The following SLCO5A1 variants were observed in gnomAD, a reference collection of about 807,000 sequenced individuals.
SLCO5A1 encodes solute carrier organic anion transporter family member 5A1.
A neutral mutation model predicts 65.1 loss-of-function variants in SLCO5A1; 39 were observed. That is an observed-to-expected ratio of 0.60 (90% CI 0.46 to 0.78). The LOEUF is 0.78. Among genes scored for constraint, SLCO5A1 ranks in the 30% least tolerant of loss-of-function variants. The pLI is 0.00. For missense variants in SLCO5A1, 1,029 were observed against 1,069.4 expected (o/e 0.96, Z 0.53); for synonymous variants, 438 against 415.7 (o/e 1.05, Z -0.65).
At chr8:69,753,789 T>A (rs1817428777) in intron 4 of SLCO5A1, among the ~76,000 whole-genome samples, 2 of 151,582 alleles carry the variant, frequency 1.3e-5, no homozygotes, top group African/African-American at 2.4e-5. Flanking sequence ...GGAGGGTGGA[T>A]CACCTGAGGT....
At chr8:69,691,603 T>G (rs1391329147) in intron 6 of SLCO5A1, among the ~76,000 whole-genome samples, 1 of 152,230 alleles carries the variant, frequency 6.6e-6, no homozygotes, top group Non-Finnish European at 1.5e-5. Context: ...ACCAGCTTTT[T>G]TCACTCAGCA....
At chr8:69,693,275 A>G (rs1318673181) in intron 6 of SLCO5A1, among the ~76,000 whole-genome samples, 1 of 152,324 alleles carries the variant, frequency 6.6e-6, no homozygotes, top group East Asian at 1.9e-4. Flanking sequence ...TAAGAAAACC[A>G]CTAATAACAC....
At chr8:69,682,082 TGAAAA>T in intron 7 of SLCO5A1, 97 bp downstream of exon 7, 1 of 1,298,804 alleles carries the variant, frequency 7.7e-7, no homozygotes, top group Non-Finnish European at 1.1e-6. Context: ...TGGAGCCTCT[TGAAAA>T]GAAAGACTGA....
At chr8:69,788,013 T>C (rs1402306459) in intron 2 of SLCO5A1, among the ~76,000 whole-genome samples, 2 of 152,236 alleles carry the variant, frequency 1.3e-5, no homozygotes, top group African/African-American at 4.8e-5. Context: ...ACCGGCTTTC[T>C]CATTTTGAAT....
At chr8:69,809,664 T>G (rs535696421) in intron 2 of SLCO5A1, among the ~76,000 whole-genome samples, 10 of 152,132 alleles carry the variant, frequency 6.6e-5, no homozygotes, top group South Asian at 4.2e-4. Flanking sequence ...TTATTATTAT[T>G]ATGATTATGA....
intron 6 of SLCO5A1, among the ~76,000 whole-genome samples, chr8:69,683,640 G>T: frequency 6.6e-6 from 1 of 151,094 alleles, no homozygotes; most frequent in Admixed American, 6.6e-5. Flanking sequence ...TCCACTCACT[G>T]CACCCTCCAC....
chr8:69,673,535 G>A (rs1277317965), intron 9 of SLCO5A1, among the ~76,000 whole-genome samples: 2 of 151,850 alleles, frequency 1.3e-5, no homozygotes, highest in Non-Finnish European at 2.9e-5. Context: ...ACTTAAAGTC[G>A]AGTTAGCCAC....
chr8:69,706,379 C>A (rs1814968691), intron 5 of SLCO5A1, among the ~76,000 whole-genome samples: 1 of 152,194 alleles, frequency 6.6e-6, no homozygotes, highest in African/African-American at 2.4e-5. Context: ...AAAAATACTT[C>A]ATGCCATGAC....
chr8:69,819,816 G>T (rs1464950152), intron 2 of SLCO5A1, among the ~76,000 whole-genome samples: 2 of 152,088 alleles, frequency 1.3e-5, no homozygotes, highest in Admixed American at 6.6e-5. Flanking sequence ...ACAAAAATTT[G>T]CCAGGCATGG....
At position 69,672,504 on chromosome 8, in the gene SLCO5A1, G is replaced by C. The variant is rs1452620911; in HGVS notation, c.*365C>G. On this transcript the variant is annotated 3_prime_UTR_variant, in exon 10 of 10. Transcript: ENST00000260126. ...CTTTGATTTGGAAATGCCAAGTCCT[G>C]GGCAAGCTCACCTTTGTTTGGAGTG... The C allele has an allele frequency of 4.7e-6, 1 of 213,918 alleles. No homozygotes were observed. Among genetic ancestry groups the C allele is most frequent in the African/African-American group, 2.3e-5 (1 of 43,796 alleles). The allele number at this position is 213,918 out of a possible 1,614,324, so 13.3% of individuals were successfully genotyped here.
At chr8:69,729,641 G>A (rs1240819060) in intron 5 of SLCO5A1, among the ~76,000 whole-genome samples, 1 of 152,022 alleles carries the variant, frequency 6.6e-6, no homozygotes, top group African/African-American at 2.4e-5. Flanking sequence ...GGGGGAACTG[G>A]CCAAACAAGA....
At chr8:69,682,955 AG>A (rs991550343) in intron 6 of SLCO5A1, among the ~76,000 whole-genome samples, 198 of 152,346 alleles carry the variant, frequency 1.3e-3, no homozygotes, top group African/African-American at 4.5e-3. Context: ...CAGAGAATAA[AG>A]ATTAAGCAGT....
In SLCO5A1 at chr8:69,694,379, CTGAACCA is replaced by C. The variant is rs1814406440; in HGVS notation, c.1622+10645_1622+10651del. Among the ~76,000 whole-genome samples the C allele has an allele frequency of 3.3e-5, 5 of 152,214 alleles. 1 individual carries two copies. In the South Asian group the frequency reaches 1.0e-3, roughly 32 times the overall value. ...AAGACATGTGTAAGTGCCAATCACA[CTGAACCA>C]AACATGTACCTTACAAAGACTCCTC... On this transcript the variant is annotated intron_variant, in intron 6 of 9. Transcript: ENST00000260126.
intron 2 of SLCO5A1, among the ~76,000 whole-genome samples, chr8:69,784,889 AG>A (rs1563722965): frequency 7.4e-5 from 9 of 121,964 alleles, no homozygotes; most frequent in African/African-American, 2.7e-4. Flanking sequence ...GAAAGAAAGA[AG>A]AAAGGAAGAA....
chr8:69,700,731 G>A (rs1814697420), intron 6 of SLCO5A1, among the ~76,000 whole-genome samples: 1 of 151,702 alleles, frequency 6.6e-6, no homozygotes, highest in South Asian at 2.1e-4. Flanking sequence ...ATGACAATGG[G>A]GCAAAAACTT....
chr8:69,808,377 T>C (rs1455321811), intron 2 of SLCO5A1, among the ~76,000 whole-genome samples: 1 of 152,152 alleles, frequency 6.6e-6, no homozygotes, highest in East Asian at 1.9e-4. Flanking sequence ...GTCCATGTGT[T>C]CTCATTGTTT....
At chr8:69,718,021 A>G (rs566789422) in intron 5 of SLCO5A1, among the ~76,000 whole-genome samples, 1 of 152,296 alleles carries the variant, frequency 6.6e-6, no homozygotes, top group South Asian at 2.1e-4. Flanking sequence ...TTCCTCCTAC[A>G]TAACTGAAAT....
chr8:69,771,429 CTGTT>C (rs1818316784), intron 2 of SLCO5A1, among the ~76,000 whole-genome samples: 1 of 151,990 alleles, frequency 6.6e-6, no homozygotes, highest in Non-Finnish European at 1.5e-5. Context: ...TTTTTTAGTG[CTGTT>C]TGTATTAGGC....
chr8:69,698,396 G>A (rs1814589027), intron 6 of SLCO5A1, among the ~76,000 whole-genome samples: 1 of 152,166 alleles, frequency 6.6e-6, no homozygotes, highest in African/African-American at 2.4e-5. Flanking sequence ...TGGGTTGAAT[G>A]GTAATTCTGT....
Sources: gnomAD v4.1 joint callset for allele counts (sites outside exome capture counted in the v4.1 genomes callset) on GRCh38, gnomAD v4.1.1 for gene constraint, MANE v1.5 for transcripts, NCBI Gene and HGNC (gene_info 2026-07-23, HGNC 2026-07-21) for gene names.